Variants in ADCY9 observed in about 807,000 individuals in gnomAD.
ADCY9 encodes the protein adenylate cyclase 9.
Under a neutral mutation model 101.5 loss-of-function variants are expected in ADCY9, and 50 were observed. The ratio of observed to expected loss-of-function variants is 0.49; its 90% confidence interval spans 0.39 to 0.62. ADCY9 has a LOEUF of 0.62. Ranked by LOEUF, ADCY9 falls within the 20% of genes least tolerant of loss-of-function variation. The pLI is 0.00. For synonymous variants in ADCY9, 905 were observed against 769.3 expected (o/e 1.18, Z -2.92); for missense variants, 1,662 against 1,800.4 (o/e 0.92, Z 1.39).
downstream of ADCY9, among the ~76,000 whole-genome samples, chr16:3,959,867 A>C (rs1242261784): frequency 6.6e-6 from 1 of 151,962 alleles, no homozygotes; most frequent in African/African-American, 2.4e-5. Flanking sequence ...CTCTATTAAA[A>C]ATCCAAAATT....
intron 2 of ADCY9, among the ~76,000 whole-genome samples, chr16:4,011,613 C>T (rs953912025): frequency 4.6e-5 from 7 of 152,198 alleles, no homozygotes; most frequent in Admixed American, 2.0e-4. Context: ...GCCTCGGAGT[C>T]GGGTCCAGGT....
At chr16:4,055,512 C>G (rs1175833887) in intron 2 of ADCY9, among the ~76,000 whole-genome samples, 2 of 148,718 alleles carry the variant, frequency 1.3e-5, no homozygotes, top group East Asian at 4.0e-4. Context: ...CCAGCCTGGG[C>G]AGCAGAGCAA....
chr16:4,051,538 AG>A (rs1199982062), intron 2 of ADCY9, among the ~76,000 whole-genome samples: 6 of 151,718 alleles, frequency 4.0e-5, no homozygotes, highest in South Asian at 2.1e-4. Context: ...AAAAAAAAAA[AG>A]AAGAAGAAGT....
chr16:4,102,645 G>C (rs375538155), intron 2 of ADCY9, among the ~76,000 whole-genome samples: 19 of 151,840 alleles, frequency 1.3e-4, no homozygotes, highest in African/African-American at 4.1e-4. Flanking sequence ...GGCTGGTCTC[G>C]AACTCCCGAC....
chr16:4,110,883 C>G (rs887749305), intron 2 of ADCY9, among the ~76,000 whole-genome samples: 2 of 152,152 alleles, frequency 1.3e-5, no homozygotes, highest in Non-Finnish European at 2.9e-5. Context: ...TGCTTCTGCC[C>G]CATCCCTGTA....
chr16:3,996,233 G>C (rs1260307521), intron 3 of ADCY9, among the ~76,000 whole-genome samples: 1 of 152,094 alleles, frequency 6.6e-6, no homozygotes, highest in African/African-American at 2.4e-5. Context: ...TTGATGGCAC[G>C]TGCCTGTGGT....
intron 7 of ADCY9, among the ~76,000 whole-genome samples, chr16:3,980,425 G>T (rs1247881523): frequency 6.6e-6 from 1 of 152,196 alleles, no homozygotes; most frequent in Non-Finnish European, 1.5e-5. Flanking sequence ...TGGGGTCCTC[G>T]TGGGGAGACA....
In ADCY9 at chr16:4,007,461, T is replaced by G. The variant is rs761922649; in HGVS notation, c.1791A>C (p.Ser597=). 6.2e-7 allele frequency: 1 copy of G among 1,614,128 alleles called. No homozygotes were observed. Among genetic ancestry groups the G allele is most frequent in the South Asian group, 1.1e-5 (1 of 91,076 alleles). ...LLSGFEVIDG[S]QVSSGPRGQG... ...GTCCCCTAGGGCCTGAGGACACCTGTGAGCCGTCAATGACCTCAAAGCCAG... is the reference window on the plus strand; with the variant it reads ...GTCCCCTAGGGCCTGAGGACACCTGGGAGCCGTCAATGACCTCAAAGCCAG... The change falls in exon 3 of 11, where the codon TCA becomes TCC. Residue 597 remains serine, a synonymous_variant. Transcript: ENST00000294016.
chr16:4,056,102 C>G (rs2141155087), intron 2 of ADCY9, among the ~76,000 whole-genome samples: 1 of 152,288 alleles, frequency 6.6e-6, no homozygotes, highest in South Asian at 2.1e-4. Context: ...GCTGCGCCCT[C>G]CCCGCAAGGA....
chr16:4,115,645 C>T lies in ADCY9; in HGVS notation c.-44+45G>A, dbSNP rs901016016. The T allele has an allele frequency of 6.4e-6, 4 of 622,876 alleles. No individual in the cohort carries two copies. Among genetic ancestry groups the T allele is most frequent in the Non-Finnish European group, 1.1e-5 (4 of 375,156 alleles). 38.6% of individuals were successfully genotyped at this position (622,876 alleles called of 1,614,324 possible). On this transcript the variant is annotated intron_variant, in intron 1 of 10. Transcript: ENST00000294016. This position sits in a 1 kb window ranked among gnomAD's most constrained non-coding sequence, Gnocchi z 6.2. ...GGCTCAGCGGTGCTCCCACCGCCCC[C>T]ACCGCCCCCACCTTCGAGGCGCACG...
chr16:3,971,611 T>C lies in ADCY9; in HGVS notation c.2870+3058A>G, dbSNP rs533064703. ...TCAAACATATTTCTGTCCAGCTCCA[T>C]GAGCCCTCTGGTTGATTGTAAATAG... is the stretch of plus-strand genomic sequence containing the variant. On this transcript the variant is annotated intron_variant, in intron 10 of 10. Coordinates refer to ENST00000294016, the MANE Select transcript of ADCY9 (RefSeq NM_001116.4). Among the ~76,000 whole-genome samples the C allele has an allele frequency of 3.2e-4, 48 of 152,304 alleles. 1 individual carries two copies. Among genetic ancestry groups the C allele is most frequent in the African/African-American group, 1.7e-4 (7 of 41,574 alleles).
intron 2 of ADCY9, among the ~76,000 whole-genome samples, chr16:4,036,873 C>G (rs112820556): frequency 6.6e-6 from 1 of 151,942 alleles, no homozygotes; most frequent in Non-Finnish European, 1.5e-5. Flanking sequence ...ACCCTTTAAC[C>G]GACTTCTCTT....
intron 10 of ADCY9, among the ~76,000 whole-genome samples, chr16:3,973,690 G>T (rs887827548): frequency 2.6e-5 from 4 of 151,662 alleles, no homozygotes; most frequent in Non-Finnish European, 4.4e-5. Context: ...ACAGGATTTC[G>T]CTATGTTGCC....
rs2057144885 is a variant in ADCY9 at position 4,115,465 on chromosome 16, C to T, written c.-23G>A. 9.3e-6 allele frequency: 14 copies of T among 1,509,848 alleles called. No homozygotes were observed. Among genetic ancestry groups the T allele is most frequent in the Non-Finnish European group, 1.2e-5 (13 of 1,128,246 alleles). 93.5% of individuals were successfully genotyped at this position (1,509,848 alleles called of 1,614,324 possible). ...CATGTTGTCGAGTCCCGGGGCCTGC[C>T]CCGGCCGGGGTCACCAGTACCTGCC... On this transcript the variant is annotated 5_prime_UTR_variant, in exon 2 of 11. Transcript: ENST00000294016. This position sits in a 1 kb window ranked among gnomAD's most constrained non-coding sequence, Gnocchi z 6.2.
chr16:4,033,580 C>T (rs1034643742), intron 2 of ADCY9, among the ~76,000 whole-genome samples: 2 of 151,916 alleles, frequency 1.3e-5, no homozygotes, highest in East Asian at 3.9e-4. Flanking sequence ...ACTACAGACG[C>T]TAATTTTTTA....
chr16:3,975,578 C>A (rs1435875654), intron 9 of ADCY9, among the ~76,000 whole-genome samples: 1 of 152,140 alleles, frequency 6.6e-6, no homozygotes, highest in Non-Finnish European at 1.5e-5. Flanking sequence ...AACAGCAATG[C>A]CACTCCAACG....
chr16:4,083,120 C>T (rs1458340765), intron 2 of ADCY9, among the ~76,000 whole-genome samples: 1 of 152,186 alleles, frequency 6.6e-6, no homozygotes, highest in Non-Finnish European at 1.5e-5. Context: ...CCTGGAACTG[C>T]CATACTTCTT....
rs113563292 is a variant in ADCY9, at chr16:4,046,671, T to A, written c.1694-39113A>T. The stretch of plus-strand genomic sequence containing the variant: ...GAGTTCTGAAGAAAATAAGACTCAA[T>A]AATCTAAGCTACTAGTTCACGCAGA... On this transcript the variant is annotated intron_variant, in intron 2 of 10. Coordinates refer to ENST00000294016, the MANE Select transcript of ADCY9 (RefSeq NM_001116.4). Among the ~76,000 whole-genome samples, 14 of 152,212 alleles carry A rather than the reference T, an allele frequency of 9.2e-5. 4 individuals carry two copies. Among genetic ancestry groups the A allele is most frequent in the African/African-American group, 3.4e-4 (14 of 41,542 alleles).
chr16:4,080,899 C>T (rs531635602), intron 2 of ADCY9, among the ~76,000 whole-genome samples: 93 of 152,194 alleles, frequency 6.1e-4, no homozygotes, highest in Non-Finnish European at 9.6e-4. Context: ...GCCTTTACTA[C>T]AGGGAAATGG....
Sources: allele counts gnomAD v4.1 joint callset (sites outside exome capture counted in the v4.1 genomes callset), GRCh38; gene constraint gnomAD v4.1.1; non-coding constraint Gnocchi (gnomAD v3.1); transcripts MANE v1.5; gene names NCBI Gene and HGNC (gene_info 2026-07-23, HGNC 2026-07-21).